The following PDE1A variants were observed in gnomAD, a reference collection of about 807,000 sequenced individuals.
PDE1A encodes the protein dual specificity calcium/calmodulin-dependent 3',5'-cyclic nucleotide phosphodiesterase 1A.
A neutral mutation model predicts 61.7 loss-of-function variants in PDE1A; 35 were observed. The observed-to-expected ratio is 0.57, with a 90% CI of 0.43 to 0.75. PDE1A has a LOEUF of 0.75. Ranked by LOEUF, PDE1A falls within the 30% of genes least tolerant of loss-of-function variation. The pLI, the probability that PDE1A is intolerant of heterozygous loss-of-function variation, is 0.00. For missense variants in PDE1A, 597 were observed against 630.6 expected, an observed-to-expected ratio of 0.95 and a Z score of 0.57; for synonymous variants, 232 against 213.2, an observed-to-expected ratio of 1.09 and a Z score of -0.77.
At chr2:182,507,031 T>G (rs916967789) in intron 2 of PDE1A, among the ~76,000 whole-genome samples, 1 of 152,216 alleles carries the variant, frequency 6.6e-6, no homozygotes, top group African/African-American at 2.4e-5. Context: ...ATGCCATTGA[T>G]AGTGTTGCTG....
At chr2:182,653,668 A>G in the PDE1A span, among the ~76,000 whole-genome samples, 5 of 152,318 alleles carry the variant, frequency 3.3e-5, no homozygotes, top group South Asian at 1.0e-3. Flanking sequence ...GATGTAATCA[A>G]CTTGCCATCA....
the PDE1A span, among the ~76,000 whole-genome samples, chr2:182,622,883 G>A: frequency 6.6e-6 from 1 of 152,240 alleles, no homozygotes; most frequent in South Asian, 2.1e-4. Context: ...TTCAGAGATG[G>A]AGTCTCAAAA....
At chr2:182,588,091 T>C in the PDE1A span, among the ~76,000 whole-genome samples, 2 of 152,238 alleles carry the variant, frequency 1.3e-5, no homozygotes, top group East Asian at 3.9e-4. Flanking sequence ...ATTGGTAGCA[T>C]TGCTTTGCAA....
At chr2:182,379,926 A>G (rs1559396298) in intron 1 of PDE1A, among the ~76,000 whole-genome samples, 1 of 152,112 alleles carries the variant, frequency 6.6e-6, no homozygotes, top group Non-Finnish European at 1.5e-5. Context: ...TCCTGATGGT[A>G]CACTTCTGAA....
chr2:182,220,060 A>G (rs1387646833), intron 7 of PDE1A, among the ~76,000 whole-genome samples: 1 of 152,156 alleles, frequency 6.6e-6, no homozygotes, highest in East Asian at 1.9e-4. Flanking sequence ...CCTACCAGGC[A>G]CTATTACTTT....
At chr2:182,401,960 C>T (rs9673736) in intron 1 of PDE1A, among the ~76,000 whole-genome samples, 2 of 152,106 alleles carry the variant, frequency 1.3e-5, no homozygotes. Context: ...AGAAATACAA[C>T]TTACAAGGGA....
chr2:182,477,597 C>T (rs1687447069), intron 2 of PDE1A, among the ~76,000 whole-genome samples: 1 of 151,886 alleles, frequency 6.6e-6, no homozygotes, highest in African/African-American at 2.4e-5. Flanking sequence ...CTAGAAAACA[C>T]AGCGTGTAGG....
chr2:182,339,462 T>C (rs1188651413), intron 1 of PDE1A, among the ~76,000 whole-genome samples: 1 of 152,186 alleles, frequency 6.6e-6, no homozygotes. Flanking sequence ...CAACAAAAAT[T>C]AAGCTTACTT....
chr2:182,693,770 C>T, the PDE1A span, among the ~76,000 whole-genome samples: 2 of 151,854 alleles, frequency 1.3e-5, no homozygotes, highest in Non-Finnish European at 2.9e-5. Flanking sequence ...TCTCAGCCTC[C>T]GGAGCAGCTG....
intron 1 of PDE1A, among the ~76,000 whole-genome samples, chr2:182,347,376 T>A (rs1316214726): frequency 1.3e-5 from 2 of 152,132 alleles, no homozygotes; most frequent in Non-Finnish European, 2.9e-5. Flanking sequence ...TATTAAAATC[T>A]TCGGAGCTTT....
At chr2:182,451,452 A>G (rs1328936539) in intron 2 of PDE1A, among the ~76,000 whole-genome samples, 3 of 152,056 alleles carry the variant, frequency 2.0e-5, no homozygotes, top group Non-Finnish European at 2.9e-5. Context: ...GACATATGAA[A>G]AGACAAAACT....
intron 2 of PDE1A, among the ~76,000 whole-genome samples, chr2:182,253,737 A>G (rs1415760692): frequency 1.3e-5 from 2 of 152,168 alleles, no homozygotes; most frequent in African/African-American, 4.8e-5. Flanking sequence ...TAGGGAAAAA[A>G]TGGGCTCTGT....
intron 1 of PDE1A, among the ~76,000 whole-genome samples, chr2:182,384,420 A>T (rs1486545663): frequency 1.3e-5 from 2 of 150,814 alleles, no homozygotes; most frequent in African/African-American, 4.9e-5. Flanking sequence ...AAATGAGAAA[A>T]ATAATAAATT....
At chr2:182,261,767 G>A (rs1007729066) in intron 2 of PDE1A, among the ~76,000 whole-genome samples, 1 of 152,048 alleles carries the variant, frequency 6.6e-6, no homozygotes, top group Non-Finnish European at 1.5e-5. Flanking sequence ...CCAGAAAAAT[G>A]AATAAATAAA....
chr2:182,275,670 G>A (rs1305845922), intron 1 of PDE1A, among the ~76,000 whole-genome samples: 1 of 152,060 alleles, frequency 6.6e-6, no homozygotes, highest in Non-Finnish European at 1.5e-5. Context: ...TTAACTTGCA[G>A]ATTTTTGTCT....
At chr2:182,205,401 C>T (rs1273798723) in intron 8 of PDE1A, among the ~76,000 whole-genome samples, 1 of 151,956 alleles carries the variant, frequency 6.6e-6, no homozygotes, top group African/African-American at 2.4e-5. Context: ...TTTTTCCCTA[C>T]ATAGCAACAA....
chr2:182,700,840 C>G, the PDE1A span, among the ~76,000 whole-genome samples: 1 of 150,648 alleles, frequency 6.6e-6, no homozygotes, highest in East Asian at 2.0e-4. Flanking sequence ...TTGCTTGAAT[C>G]TGGAAGGCAG....
At chr2:182,425,848 A>G (rs1200404925) in intron 1 of PDE1A, among the ~76,000 whole-genome samples, 1 of 152,186 alleles carries the variant, frequency 6.6e-6, no homozygotes, top group Non-Finnish European at 1.5e-5. Flanking sequence ...AGGGGCAAAA[A>G]TAGGGTTCAA....
intron 7 of PDE1A, among the ~76,000 whole-genome samples, chr2:182,222,340 C>A (rs13411042): frequency 0.4 from 60,684 of 151,656 alleles, 13,233 homozygotes; most frequent in Middle Eastern, 0.6. Flanking sequence ...TTGGAAAAGG[C>A]AAAACTAAAG....
Sources: allele counts gnomAD v4.1 joint callset (sites outside exome capture counted in the v4.1 genomes callset), GRCh38; gene constraint gnomAD v4.1.1; transcripts MANE v1.5; gene names NCBI Gene and HGNC (gene_info 2026-07-23, HGNC 2026-07-21).